The following TBPL2 variants were observed in gnomAD, a reference collection of about 807,000 sequenced individuals.
TBPL2 encodes the protein TATA-box binding protein like 2, also known as TATA box-binding protein-like 2.
Under a neutral mutation model 38.2 loss-of-function variants are expected in TBPL2, and 40 were observed. The ratio of observed to expected loss-of-function variants is 1.05; its 90% confidence interval spans 0.81 to 1.36. The LOEUF is 1.36. TBPL2 is among the 40% of genes most tolerant of loss of function. TBPL2 has a pLI of 0.00. For missense variants in TBPL2, 461 were observed against 456.7 expected, an observed-to-expected ratio of 1.01 and a Z score of -0.09; for synonymous variants, 169 against 171.7, an observed-to-expected ratio of 0.98 and a Z score of 0.12.
exon 5 of TBPL2, chr14:55,428,824 G>A: frequency 6.2e-7 from 1 of 1,614,050 alleles, no homozygotes; most frequent in Non-Finnish European, 8.5e-7. Flanking sequence ...ACTGCTGATG[G>A]GTTAGCACCA....
intron 5 of TBPL2, among the ~76,000 whole-genome samples, chr14:55,425,938 T>C (rs537107805): frequency 3.6e-4 from 55 of 152,322 alleles, no homozygotes; most frequent in Non-Finnish European, 7.2e-4. Context: ...CTTATTCATA[T>C]AGCAAGTATT....
exon 2 of TBPL2, chr14:55,436,916 G>A (rs1886023615): frequency 6.2e-7 from 1 of 1,614,096 alleles, no homozygotes; most frequent in Non-Finnish European, 8.5e-7. Flanking sequence ...TTGACTTCAG[G>A]GTTCGAATTA....
rs189084179 is a variant in TBPL2, at chr14:55,439,621, C to A, written c.150+775G>T. Among the ~76,000 whole-genome samples, 49 of 138,238 alleles carry A rather than the reference C, an allele frequency of 3.5e-4. 4 individuals are homozygous for A. The highest frequency in any genetic ancestry group is 3.7e-3 in the Middle Eastern group (1 of 272). 90.7% of individuals were successfully genotyped at this position (138,238 alleles called of 152,430 possible). A position where few individuals can be genotyped will look rare whatever the true frequency, so the allele number is the denominator to read the frequency against. On this transcript the variant is annotated intron_variant, in intron 1 of 6. Coordinates refer to ENST00000247219, the Ensembl canonical transcript of TBPL2. The stretch of plus-strand genomic sequence containing the variant: ...GCCTGGGGAGAAAAGCAAACCCCCC[C>A]CCGTCTCTACTAAAAAATACAAAAA...
In TBPL2 at chr14:55,434,958, C is replaced by T. The variant is rs571539742; in HGVS notation, c.696+889G>A. On this transcript the variant is annotated intron_variant, in intron 3 of 6. Coordinates refer to ENST00000247219, the Ensembl canonical transcript of TBPL2. The stretch of plus-strand genomic sequence containing the variant: ...CTCCTAAGTACAGAGCCTGGCAAAT[C>T]GTTAAAAGTTGATAGGATTGACAAA... 2.0e-4 allele frequency among the ~76,000 whole-genome samples: 31 copies of T among 152,168 alleles called. No homozygotes were observed. In the South Asian group the frequency reaches 4.8e-3, roughly 23 times the overall value.
At chr14:55,426,322 G>A (rs1283953610) in intron 5 of TBPL2, among the ~76,000 whole-genome samples, 1 of 151,930 alleles carries the variant, frequency 6.6e-6, no homozygotes, top group South Asian at 2.1e-4. Context: ...ATTGACAACT[G>A]TGGAAATGAT....
chr14:55,431,044 T>G (rs1304448957), intron 4 of TBPL2, among the ~76,000 whole-genome samples: 1 of 152,202 alleles, frequency 6.6e-6, no homozygotes, highest in African/African-American at 2.4e-5. Context: ...TTAAAAATCT[T>G]AAAATCTCAC....
At chr14:55,431,512 C>A (rs564232882) in intron 4 of TBPL2, among the ~76,000 whole-genome samples, 2 of 152,182 alleles carry the variant, frequency 1.3e-5, no homozygotes, top group African/African-American at 4.8e-5. Context: ...AAATTGAAAC[C>A]CTATTATTAA....
intron 1 of TBPL2, among the ~76,000 whole-genome samples, chr14:55,438,212 C>G (rs998724645): frequency 2.0e-5 from 3 of 152,184 alleles, no homozygotes; most frequent in African/African-American, 7.2e-5. Flanking sequence ...AGTGACAATG[C>G]TACCTCCGCT....
Position 55,420,170 on chromosome 14 carries a change from A to C in TBPL2, c.1051+3989T>G, listed in dbSNP as rs185416395. 3.7e-4 allele frequency among the ~76,000 whole-genome samples: 57 copies of C among 152,314 alleles called. 1 individual carries two copies. The highest frequency in any genetic ancestry group is 1.3e-3 in the African/African-American group (56 of 41,554). On this transcript the variant is annotated intron_variant, in intron 6 of 6. Coordinates refer to ENST00000247219, the Ensembl canonical transcript of TBPL2. The stretch of plus-strand genomic sequence containing the variant: ...ACTGCAACTTCCGCCTCCCAGGTTC[A>C]AGCGATTCTCCTGCCTCAGCCTCCT...
intron 6 of TBPL2, among the ~76,000 whole-genome samples, chr14:55,419,555 C>T (rs1885713393): frequency 6.6e-6 from 1 of 152,214 alleles, no homozygotes; most frequent in Non-Finnish European, 1.5e-5. Context: ...AAGCTGGGCC[C>T]AGGTCCTGTT....
intron 6 of TBPL2, among the ~76,000 whole-genome samples, chr14:55,419,350 C>G (rs1399407116): frequency 6.6e-6 from 1 of 152,240 alleles, no homozygotes; most frequent in Non-Finnish European, 1.5e-5. Flanking sequence ...CAGTGTCTGT[C>G]ATATGAGTGC....
intron 1 of TBPL2, 37 bp downstream of exon 1, chr14:55,440,359 T>G: frequency 6.2e-7 from 1 of 1,612,092 alleles, no homozygotes; most frequent in Non-Finnish European, 8.5e-7. Flanking sequence ...CGGGCGGGAC[T>G]TGGGTCCTGA....
intron 6 of TBPL2, among the ~76,000 whole-genome samples, chr14:55,419,564 T>C (rs1306208068): frequency 2.0e-5 from 3 of 152,234 alleles, no homozygotes; most frequent in African/African-American, 7.2e-5. Flanking sequence ...CCAGGTCCTG[T>C]TGCTTTCTGC....
intron 3 of TBPL2, among the ~76,000 whole-genome samples, chr14:55,434,403 C>A (rs1203019574): frequency 6.6e-6 from 1 of 152,134 alleles, no homozygotes; most frequent in Non-Finnish European, 1.5e-5. Context: ...CCTGCTCCTA[C>A]ACAGATAGTC....
chr14:55,421,090 T>C (rs1285682623), intron 6 of TBPL2, among the ~76,000 whole-genome samples: 1 of 145,484 alleles, frequency 6.9e-6, no homozygotes, highest in Non-Finnish European at 1.5e-5. Context: ...AAAAAAGAAA[T>C]TTGGGGTAGG....
At chr14:55,433,359 C>T (rs551597237) in intron 4 of TBPL2, among the ~76,000 whole-genome samples, 47 of 145,202 alleles carry the variant, frequency 3.2e-4, no homozygotes, top group Middle Eastern at 3.8e-3. Flanking sequence ...CACTGTGTTG[C>T]CCAGGCTGGT....
chr14:55,421,060 CAA>C (rs71131263), intron 6 of TBPL2, among the ~76,000 whole-genome samples: 28 of 107,544 alleles, frequency 2.6e-4, no homozygotes, highest in East Asian at 8.1e-4. Context: ...GAATCTGTCT[CAA>C]AAAAAAAAAA....
In TBPL2 at chr14:55,436,677, G is replaced by A. The variant is rs181608280; in HGVS notation, c.492C>T (p.Asp164=). The A allele has an allele frequency of 6.0e-5, 97 of 1,614,216 alleles. No homozygotes were observed. The East Asian group carries it at 2.0e-3, about 33-fold the overall frequency. Residue 164 remains aspartate, a synonymous_variant, in exon 2 of 7, where the codon GAC becomes GAT. Transcript: ENST00000247219. The stretch of plus-strand genomic sequence containing the variant: ...GTTTCTCAGGAGAGGGCTGGACTGA[G>A]TCAGTATCACCAGGGTGCAGCTGTG...
chr14:55,416,672 AAC>A (rs1261928757), intron 6 of TBPL2, among the ~76,000 whole-genome samples: 1 of 152,196 alleles, frequency 6.6e-6, no homozygotes, highest in Non-Finnish European at 1.5e-5. Context: ...TTAGAAACTA[AAC>A]AGTGAGTTGG....
Sources: gnomAD v4.1 joint callset for allele counts (sites outside exome capture counted in the v4.1 genomes callset) on GRCh38, gnomAD v4.1.1 for gene constraint, MANE v1.5 for transcripts, NCBI Gene and HGNC (gene_info 2026-07-23, HGNC 2026-07-21) for gene names.